Variants in BMPR1B observed in about 807,000 individuals in gnomAD.
BMPR1B encodes bone morphogenetic protein receptor type 1B.
Under a neutral mutation model 59.1 loss-of-function variants are expected in BMPR1B, and 12 were observed. The observed-to-expected ratio is 0.20, with a 90% CI of 0.13 to 0.33. The LOEUF (loss-of-function observed/expected upper bound fraction) is 0.33, where lower values mean the gene tolerates loss of function less well. Among genes scored for constraint, BMPR1B ranks in the 10% least tolerant of loss-of-function variants. The probability of loss-of-function intolerance (pLI) is 1.00; values close to 1 mark genes in which losing one functional copy is unlikely to be tolerated. For synonymous variants in BMPR1B, 237 were observed against 207.3 expected (o/e 1.14, Z -1.23); for missense variants, 550 against 610.9 (o/e 0.90, Z 1.05).
intron 1 of BMPR1B, among the ~76,000 whole-genome samples, chr4:94,769,337 G>A (rs1314074821): frequency 2.0e-5 from 3 of 152,232 alleles, no homozygotes; most frequent in South Asian, 2.1e-4. Flanking sequence ...GAGGCCGGGC[G>A]CGGTGGCTCA....
intron 2 of BMPR1B, among the ~76,000 whole-genome samples, chr4:94,911,655 G>A (rs1265738227): frequency 6.6e-6 from 1 of 152,106 alleles, no homozygotes; most frequent in African/African-American, 2.4e-5. Flanking sequence ...ATGATCATTT[G>A]CACAAGTGAA....
chr4:95,134,553 C>G (rs1733626980), intron 10 of BMPR1B, among the ~76,000 whole-genome samples: 1 of 152,136 alleles, frequency 6.6e-6, no homozygotes, highest in Non-Finnish European at 1.5e-5. Flanking sequence ...TTTTAATGAT[C>G]ACCATTCTGA....
intron 1 of BMPR1B, among the ~76,000 whole-genome samples, chr4:94,767,578 A>G (rs1722017354): frequency 6.6e-6 from 1 of 152,164 alleles, no homozygotes; most frequent in Non-Finnish European, 1.5e-5. Flanking sequence ...TATCGTTAAC[A>G]TCTGTAGCAA....
intron 1 of BMPR1B, among the ~76,000 whole-genome samples, chr4:94,762,873 C>A (rs1266741317): frequency 7.2e-6 from 1 of 139,678 alleles, no homozygotes; most frequent in East Asian, 2.1e-4. Flanking sequence ...TTTTTTTTTG[C>A]GGGGCTGGGG....
chr4:94,841,538 G>C (rs187025882), intron 1 of BMPR1B, among the ~76,000 whole-genome samples: 1 of 152,114 alleles, frequency 6.6e-6, no homozygotes, highest in East Asian at 1.9e-4. Context: ...GGTGCCATCC[G>C]TCACCCCTTT....
chr4:94,862,741 C>G (rs1014541913), intron 1 of BMPR1B, among the ~76,000 whole-genome samples: 9 of 151,382 alleles, frequency 5.9e-5, no homozygotes, highest in African/African-American at 2.2e-4. Context: ...GTCAGGAGAT[C>G]GAGACCATCC....
At chr4:95,098,738 A>G (rs1579075386) in intron 3 of BMPR1B, among the ~76,000 whole-genome samples, 1 of 151,974 alleles carries the variant, frequency 6.6e-6, no homozygotes, top group Non-Finnish European at 1.5e-5. Flanking sequence ...TATTTTTGAG[A>G]CAGAGTCTCA....
chr4:95,054,840 A>G (rs929420594), intron 3 of BMPR1B, among the ~76,000 whole-genome samples: 2 of 152,176 alleles, frequency 1.3e-5, no homozygotes, highest in Non-Finnish European at 2.9e-5. Flanking sequence ...AATGGTGGCA[A>G]CAATGTACCC....
At chr4:94,775,255 G>A (rs753889182) in intron 1 of BMPR1B, among the ~76,000 whole-genome samples, 1 of 152,126 alleles carries the variant, frequency 6.6e-6, no homozygotes. Context: ...GTCTTAAATG[G>A]CATTAGCACT....
intron 3 of BMPR1B, among the ~76,000 whole-genome samples, chr4:95,078,163 A>G (rs975090471): frequency 5.3e-5 from 8 of 152,220 alleles, no homozygotes; most frequent in Non-Finnish European, 1.0e-4. Flanking sequence ...CAAAGTAGAA[A>G]GTAACTTCAA....
At chr4:94,857,799 T>C (rs1725819236) in intron 1 of BMPR1B, among the ~76,000 whole-genome samples, 1 of 152,228 alleles carries the variant, frequency 6.6e-6, no homozygotes. Context: ...ACAACACTTT[T>C]TTTAGTGGAA....
intron 3 of BMPR1B, among the ~76,000 whole-genome samples, chr4:95,071,650 GTGTA>G (rs1266251131): frequency 0.016 from 1,290 of 78,336 alleles, 10 homozygotes; most frequent in South Asian, 0.027. Flanking sequence ...GTGTGTGTGT[GTGTA>G]TATATATATA....
At chr4:94,913,528 T>C (rs1019374681) in intron 2 of BMPR1B, among the ~76,000 whole-genome samples, 5 of 152,160 alleles carry the variant, frequency 3.3e-5, no homozygotes, top group Non-Finnish European at 7.3e-5. Flanking sequence ...TTGCTTTGCT[T>C]TCTCCAGAGG....
At chr4:94,914,692 A>G (rs1728416908) in intron 2 of BMPR1B, among the ~76,000 whole-genome samples, 1 of 152,156 alleles carries the variant, frequency 6.6e-6, no homozygotes, top group Non-Finnish European at 1.5e-5. Flanking sequence ...TGATAGTTGG[A>G]TAAGTAAATT....
At chr4:95,026,195 A>T (rs1724407141) in intron 3 of BMPR1B, among the ~76,000 whole-genome samples, 1 of 115,520 alleles carries the variant, frequency 8.7e-6, no homozygotes, top group African/African-American at 3.2e-5. Context: ...GAAGAACATA[A>T]ATATTATGTG....
At chr4:94,970,376 C>T (rs906720103) in intron 2 of BMPR1B, among the ~76,000 whole-genome samples, 2 of 151,634 alleles carry the variant, frequency 1.3e-5, no homozygotes, top group African/African-American at 2.4e-5. Flanking sequence ...AGTGTGGTGG[C>T]ACGATCTCGG....
chr4:95,002,513 G>T (rs775637415), intron 3 of BMPR1B, among the ~76,000 whole-genome samples: 3 of 152,156 alleles, frequency 2.0e-5, no homozygotes, highest in Non-Finnish European at 2.9e-5. Context: ...TCACTGGGTC[G>T]AATGGTAGTT....
chr4:94,917,685 A>G lies in BMPR1B; in HGVS notation c.-113+41785A>G, dbSNP rs1402455603. Among the ~76,000 whole-genome samples, 6 of 152,172 alleles carry G rather than the reference A, an allele frequency of 3.9e-5. No individual in the cohort carries two copies. In the South Asian group the frequency reaches 1.2e-3, roughly 31 times the overall value. ...AGGCAGAAGGGCTTTGCCTTATCTC[A>G]GATGAGACTTCAGACTGTGGATTTT... On this transcript the variant is annotated intron_variant, in intron 2 of 12. Transcript: ENST00000515059.
chr4:95,078,646 C>T (rs1211269219), intron 3 of BMPR1B, among the ~76,000 whole-genome samples: 1 of 152,188 alleles, frequency 6.6e-6, no homozygotes, highest in Non-Finnish European at 1.5e-5. Flanking sequence ...TACATTGGTA[C>T]TAGAAACTGT....
Sources: gnomAD v4.1 joint callset for allele counts (sites outside exome capture counted in the v4.1 genomes callset) on GRCh38, gnomAD v4.1.1 for gene constraint, MANE v1.5 for transcripts, NCBI Gene and HGNC (gene_info 2026-07-23, HGNC 2026-07-21) for gene names.